FAM83H: variants seen among roughly 807,000 people sequenced by gnomAD.
FAM83H encodes the protein scaffolding CK1 anchoring protein H.
A neutral mutation model predicts 30.2 loss-of-function variants in FAM83H; 24 were observed. The ratio of observed to expected loss-of-function variants is 0.79; its 90% CI spans 0.57 to 1.12. The LOEUF (loss-of-function observed/expected upper bound fraction) is 1.12, where lower values mean the gene tolerates loss of function less well. FAM83H is among the 50% of genes most tolerant of loss of function. The pLI is 0.00. For missense variants in FAM83H, 2,038 were observed against 1,773.9 expected (o/e 1.15, Z -2.67); for synonymous variants, 1,013 against 821.7 (o/e 1.23, Z -3.98).
chr8:143,728,563 C>G lies in FAM83H; in HGVS notation c.898G>C (p.Ala300Pro). ...ALARMDAYAL[A>P]PYAGAGPLVG... ...AGAGGCCCGGCCCCGGCATACGGAGCCAGGGCATAGGCGTCCATGCGGGCC... is the reference window on the plus strand; with the variant it reads ...AGAGGCCCGGCCCCGGCATACGGAGGCAGGGCATAGGCGTCCATGCGGGCC... The change falls in exon 5 of 5, where the codon GCT becomes CCT. Residue 300 changes from alanine (A) to proline (P), a missense_variant. Transcript: ENST00000388913. 1.3e-6 allele frequency: 2 copies of G among 1,589,718 alleles called. No homozygotes were observed. Among genetic ancestry groups the G allele is most frequent in the Non-Finnish European group, 1.7e-6 (2 of 1,169,122 alleles).
intron 1 of FAM83H, chr8:143,732,234 G>A (rs1818546632): frequency 4.1e-6 from 4 of 985,440 alleles, no homozygotes; most frequent in African/African-American, 1.7e-5. Context: ...AGCCCTAGAT[G>A]CCAACCGGCT....
intron 1 of FAM83H, chr8:143,732,518 G>A (rs1390054447): frequency 8.1e-6 from 8 of 985,224 alleles, no homozygotes; most frequent in Non-Finnish European, 9.6e-6. Flanking sequence ...CTCTAGAAAG[G>A]ACCCCCACTG....
rs1818262163 is a variant in FAM83H at position 143,725,669 on chromosome 8, G to A, written c.*252C>T. On this transcript the variant is annotated 3_prime_UTR_variant, in exon 5 of 5. Transcript: ENST00000388913. ...GCAAGGCTGACGGTGCAGAGATGAA[G>A]GTGCTGAGGGGAGAAAGGCACTGGT... is the stretch of plus-strand genomic sequence containing the variant. 3.3e-6 allele frequency: 2 copies of A among 604,912 alleles called. No homozygotes were observed. Among genetic ancestry groups the A allele is most frequent in the Non-Finnish European group, 5.8e-6 (2 of 343,020 alleles). 37.5% of individuals were successfully genotyped at this position (604,912 alleles called of 1,614,324 possible). A position where few individuals can be genotyped will look rare whatever the true frequency, so the allele number is the denominator to read the frequency against.
rs1186635637 is a variant in FAM83H, at chr8:143,733,356, C to G, written c.-16+335G>C. Among the ~76,000 whole-genome samples the G allele has an allele frequency of 1.3e-5, 2 of 152,234 alleles. No individual in the cohort carries two copies. The highest frequency in any genetic ancestry group is 4.8e-5 in the African/African-American group (2 of 41,474). ...AGGGAAGGGTCCAGGCCGTGCCCAG[C>G]ACCCAGACTCCAGCTAGGCCGCGAG... On this transcript the variant is annotated intron_variant, in intron 1 of 4. Transcript: ENST00000388913. The surrounding 1 kb of genome is among the most constrained non-coding windows in gnomAD (Gnocchi z 5.6).
At position 143,725,639 on chromosome 8, in the gene FAM83H, G is replaced by A. The variant is rs868957944; in HGVS notation, c.*282C>T. ...AAGAGATGGCGGAGCCAGACGCTGC[G>A]CCACGCAAGGCTGACGGTGCAGAGA... On this transcript the variant is annotated 3_prime_UTR_variant, in exon 5 of 5. Transcript: ENST00000388913. The A allele has an allele frequency of 7.0e-6, 4 of 569,604 alleles. No homozygotes were observed. Among genetic ancestry groups the A allele is most frequent in the East Asian group, 3.0e-5 (1 of 33,880 alleles). 35.3% of individuals were successfully genotyped at this position (569,604 alleles called of 1,614,324 possible). A position where few individuals can be genotyped will look rare whatever the true frequency, so the allele number is the denominator to read the frequency against.
Position 143,729,053 on chromosome 8 carries a change from G to A in FAM83H, c.651C>T (p.Tyr217=), listed in dbSNP as rs1818415737. Residue 217 remains tyrosine (Y), a synonymous_variant, in exon 4 of 5, where the codon TAC becomes TAT. Coordinates refer to ENST00000388913, the MANE Select transcript of FAM83H (RefSeq NM_198488.5). ...RVRTVAGPTY[Y]CRTGKSFKGH... is the part of the protein sequence containing the mutation. ...CCTTGAAGGACTTCCCAGTGCGGCA[G>A]TAGTAGGTGGGGCCCGCCACAGTCC... The A allele has an allele frequency of 6.2e-7, 1 of 1,613,508 alleles. No homozygotes were observed. Among genetic ancestry groups the A allele is most frequent in the African/African-American group, 1.3e-5 (1 of 74,910 alleles).
rs1818274965 is a variant in FAM83H at position 143,726,018 on chromosome 8, G to A, written c.3443C>T (p.Pro1148Leu). Residue 1148 changes from proline to leucine, a missense_variant, in exon 5 of 5, where the codon CCT (proline) becomes CTT (leucine). Transcript: ENST00000388913. The part of the protein sequence containing the change: ...VFCKKEEASS[P>L]GAGEGPAEEG... ...CTCCGCGGGGCCTTCCCCTGCCCCAGGGCTGCTGGCCTCCTCTTTCTTGCA... is the reference window on the plus strand; with the variant it reads ...CTCCGCGGGGCCTTCCCCTGCCCCAAGGCTGCTGGCCTCCTCTTTCTTGCA... The A allele has an allele frequency of 1.2e-6, 2 of 1,612,746 alleles. No individual in the cohort carries two copies. Among genetic ancestry groups the A allele is most frequent in the East Asian group, 2.2e-5 (1 of 44,832 alleles).
rs782693124 is a variant in FAM83H, at chr8:143,728,126, G to A, written c.1335C>T (p.Thr445=). Residue 445 remains threonine (T), a synonymous_variant, in exon 5 of 5, where the codon ACC becomes ACT. Transcript: ENST00000388913. The part of the protein sequence containing the change: ...LSHGDDFRFQ[T]SHFHRDQLYQ... ...AGAGCTGGTCACGGTGGAAGTGGCT[G>A]GTCTGGAAGCGGAAGTCGTCGCCGT... 16 of 1,610,506 alleles carry A rather than the reference G, an allele frequency of 9.9e-6. No individual in the cohort carries two copies. Among genetic ancestry groups the A allele is most frequent in the East Asian group, 8.9e-5 (4 of 44,806 alleles).
intron 1 of FAM83H, chr8:143,731,328 C>A (rs1270998253): frequency 2.1e-5 from 21 of 985,270 alleles, no homozygotes; most frequent in Non-Finnish European, 2.5e-5. Flanking sequence ...ACCTCTCTGG[C>A]CTACCTCTAC....
At position 143,728,683 on chromosome 8, in the gene FAM83H, G is replaced by T; in HGVS notation, c.778C>A (p.His260Asn). ...GAGACCAGCTCTCCTTGGAACACGTGCGCCAGGCTGCGGTGGATCTTCTCA... is the reference window on the plus strand; with the variant it reads ...GAGACCAGCTCTCCTTGGAACACGTTCGCCAGGCTGCGGTGGATCTTCTCA... Reference protein sequence around the residue: ...SFEKIHRSLAHVFQGELVSSF... With the variant: ...SFEKIHRSLANVFQGELVSSF... The change falls in exon 5 of 5, where the codon CAC (histidine) becomes AAC (asparagine). Residue 260 changes from histidine to asparagine, a missense_variant. Coordinates refer to ENST00000388913, the MANE Select transcript of FAM83H (RefSeq NM_198488.5). The T allele has an allele frequency of 6.2e-7, 1 of 1,601,728 alleles. No individual in the cohort carries two copies.
chr8:143,726,229 C>T lies in FAM83H; in HGVS notation c.3232G>A (p.Gly1078Ser), dbSNP rs1818284453. Residue 1078 changes from glycine to serine, a missense_variant, in exon 5 of 5, where the codon GGC becomes AGC. Physicochemically the swap from Gly to Ser is moderately conservative, Grantham distance 56. Transcript: ENST00000388913. The part of the protein sequence containing the change: ...SPELGRPPAA[G>S]VLAPDMSDKD... The stretch of plus-strand genomic sequence containing the variant: ...TCGGACATATCTGGGGCCAGGACGC[C>T]AGCAGCCGGTGGACGGCCTAGCTCG... 1 of 1,612,202 alleles carries T rather than the reference C, an allele frequency of 6.2e-7. No homozygotes were observed. Among genetic ancestry groups the T allele is most frequent in the Non-Finnish European group, 8.5e-7 (1 of 1,179,710 alleles).
At chr8:143,731,376 T>C (rs1818515866) in intron 1 of FAM83H, 1 of 985,162 alleles carries the variant, frequency 1.0e-6, no homozygotes, top group South Asian at 4.7e-5. Context: ...ACACCACGCC[T>C]AGCCCAAGGT....
Position 143,726,670 on chromosome 8 carries a change from G to C in FAM83H, c.2791C>G (p.Pro931Ala). ...AGGGTGAGGCTGCCCCTGCGCTCCGGCACGGGGGGCACCGGACTGCTCCTG... is the reference window on the plus strand; with the variant it reads ...AGGGTGAGGCTGCCCCTGCGCTCCGCCACGGGGGGCACCGGACTGCTCCTG... ...ERRSSPVPPVPERRGSLTLTI... is the reference protein window; with the variant it reads ...ERRSSPVPPVAERRGSLTLTI... Residue 931 changes from proline to alanine, a missense_variant, in exon 5 of 5, where the codon CCG becomes GCG. By Grantham distance (27) the Pro-to-Ala change is conservative. Transcript: ENST00000388913. 6.3e-7 allele frequency: 1 copy of C among 1,595,482 alleles called. No individual in the cohort carries two copies. The highest frequency in any genetic ancestry group is 8.5e-7 in the Non-Finnish European group (1 of 1,175,662).
At chr8:143,729,913 G>A (rs1176398910) in intron 2 of FAM83H, among the ~76,000 whole-genome samples, 1 of 152,132 alleles carries the variant, frequency 6.6e-6, no homozygotes, top group African/African-American at 2.4e-5. Context: ...CAGAGCCCCC[G>A]AGTTTCTGGG....
chr8:143,729,194 C>T lies in FAM83H; in HGVS notation c.577G>A (p.Ala193Thr), dbSNP rs1225512532. The change falls in exon 3 of 5, where the codon GCC (alanine) becomes ACC (threonine). Residue 193 changes from alanine (A) to threonine (T), a missense_variant. Coordinates refer to ENST00000388913, the MANE Select transcript of FAM83H (RefSeq NM_198488.5). ...TGCAGGTTGACACGGCACTTGTCGG[C>T]CATGTCCAGGAAGTGCTGCGCGTTC... ...EMNAQHFLDMADKCRVNLQHV... is the reference protein window; with the variant it reads ...EMNAQHFLDMTDKCRVNLQHV... 3 of 1,613,624 alleles carry T rather than the reference C, an allele frequency of 1.9e-6. No homozygotes were observed. Among genetic ancestry groups the T allele is most frequent in the Non-Finnish European group, 2.5e-6 (3 of 1,180,034 alleles).
At position 143,733,568 on chromosome 8, in the gene FAM83H, T is replaced by G. The variant is rs1161089956; in HGVS notation, c.-16+123A>C. 1 of 148,230 alleles carries G rather than the reference T, an allele frequency of 6.7e-6. No individual in the cohort carries two copies. The highest frequency in any genetic ancestry group is 1.5e-5 in the Non-Finnish European group (1 of 66,900). 9.2% of individuals were successfully genotyped at this position (148,230 alleles called of 1,614,324 possible). Reference sequence around the variant, plus strand: ...GGCCGCGCTCCACTCCCACCGCCCCTCTCTGGGTCGCGCGGCCCCGGCCCA... The same window carrying G: ...GGCCGCGCTCCACTCCCACCGCCCCGCTCTGGGTCGCGCGGCCCCGGCCCA... On this transcript the variant is annotated intron_variant, in intron 1 of 4. Transcript: ENST00000388913. This position sits in a 1 kb window ranked among gnomAD's most constrained non-coding sequence, Gnocchi z 5.6.
chr8:143,729,148 CG>C lies in FAM83H; in HGVS notation c.612+10del. The C allele has an allele frequency of 1.2e-6, 2 of 1,613,674 alleles. No homozygotes were observed. Among genetic ancestry groups the C allele is most frequent in the South Asian group, 2.2e-5 (2 of 91,086 alleles). The stretch of plus-strand genomic sequence containing the variant: ...CGGGTCCTCCCCAATCTCCCACTCC[CG>C]GGAACTCACATCCACGTGCTGCAGG... On this transcript the variant is annotated intron_variant, in intron 3 of 4. Coordinates refer to ENST00000388913, the MANE Select transcript of FAM83H (RefSeq NM_198488.5).
Position 143,727,927 on chromosome 8 carries a change from G to T in FAM83H, c.1534C>A (p.Pro512Thr). 3 of 1,534,652 alleles carry T rather than the reference G, an allele frequency of 2.0e-6. No homozygotes were observed. The highest frequency in any genetic ancestry group is 2.6e-6 in the Non-Finnish European group (3 of 1,146,976). The change falls in exon 5 of 5, where the codon CCG becomes ACG. Residue 512 changes from proline (P) to threonine (T), a missense_variant. Coordinates refer to ENST00000388913, the MANE Select transcript of FAM83H (RefSeq NM_198488.5). ...PDGHQRLDYVPSSASREVRHG... is the reference protein window; with the variant it reads ...PDGHQRLDYVTSSASREVRHG... ...CGCACCTCGCGGGACGCGCTGGACG[G>T]CACGTAGTCCAGCCGCTGGTGCCCG...
intron 1 of FAM83H, 121 bp from the exon 2 acceptor site, chr8:143,730,718 GC>G: frequency 2.7e-6 from 2 of 733,666 alleles, no homozygotes; most frequent in African/African-American, 1.8e-5. Flanking sequence ...TTTAGCCCAT[GC>G]CCAGGAGGCC....
Sources: gnomAD v4.1 joint callset for allele counts (sites outside exome capture counted in the v4.1 genomes callset) on GRCh38, gnomAD v4.1.1 for gene constraint, Gnocchi (gnomAD v3.1) non-coding constraint, MANE v1.5 for transcripts, NCBI Gene and HGNC (gene_info 2026-07-23, HGNC 2026-07-21) for gene names.